MALRD1: variants seen among roughly 807,000 people sequenced by gnomAD.
The protein encoded by MALRD1 is MAM and LDL-receptor class A domain-containing protein 1.
In MALRD1, 247 loss-of-function variants were observed where a neutral mutation model predicts 242.1. The observed-to-expected ratio is 1.02, with a 90% CI of 0.92 to 1.13. The LOEUF (loss-of-function observed/expected upper bound fraction) is 1.13. Among genes scored for constraint, MALRD1 ranks in the 50% most tolerant of loss-of-function variants. The probability of loss-of-function intolerance (pLI) is 0.00; values close to 1 mark genes in which losing one functional copy is unlikely to be tolerated. For synonymous variants in MALRD1, 995 were observed against 866.6 expected (o/e 1.15, Z -2.60); for missense variants, 2,989 against 2,533.1 (o/e 1.18, Z -3.86).
At chr10:19,704,804 T>C (rs1407551644) in intron 38 of MALRD1, among the ~76,000 whole-genome samples, 1 of 152,030 alleles carries the variant, frequency 6.6e-6, no homozygotes, top group African/African-American at 2.4e-5. Flanking sequence ...GGTGGTAAAA[T>C]GGAAGGAAAG....
At position 19,692,804 on chromosome 10, in the gene MALRD1, TA is replaced by T; in HGVS notation, c.6314+251del. Among the ~76,000 whole-genome samples the T allele has an allele frequency of 2.0e-5, 3 of 146,408 alleles. No homozygotes were observed. The East Asian group carries it at 5.9e-4, about 29-fold the overall frequency. On this transcript the variant is annotated intron_variant, in intron 38 of 39. Transcript: ENST00000454679. ...AGGAGCCTTTTTGAGGGCGTATATA[TA>T]TATATATGAAATTTATATATATATG...
chr10:19,261,019 G>T (rs893763617), intron 19 of MALRD1, among the ~76,000 whole-genome samples: 1 of 152,166 alleles, frequency 6.6e-6, no homozygotes, highest in African/African-American at 2.4e-5. Context: ...AGTGGCCAGG[G>T]CTTTCCCCAC....
chr10:19,699,810 G>A (rs978591944), intron 38 of MALRD1, among the ~76,000 whole-genome samples: 1 of 151,776 alleles, frequency 6.6e-6, no homozygotes, highest in African/African-American at 2.4e-5. Flanking sequence ...GACCAGATCT[G>A]GTGAGACCTC....
At chr10:19,513,748 G>GA (rs35386619) in intron 31 of MALRD1, among the ~76,000 whole-genome samples, 67,407 of 149,350 alleles carry the variant, frequency 0.45, 15,977 homozygotes, top group Non-Finnish European at 0.54. Context: ...CAAAAGAAAA[G>GA]AAAAAAAAAA....
At chr10:19,694,722 G>T (rs183704914) in intron 38 of MALRD1, among the ~76,000 whole-genome samples, 1 of 152,294 alleles carries the variant, frequency 6.6e-6, no homozygotes, top group Admixed American at 6.5e-5. Flanking sequence ...CCATTACTGG[G>T]TATATACCCA....
intron 14 of MALRD1, among the ~76,000 whole-genome samples, chr10:19,192,314 T>A (rs539704946): frequency 6.6e-6 from 1 of 152,336 alleles, no homozygotes; most frequent in Non-Finnish European, 1.5e-5. Context: ...GTTGTGCACT[T>A]AAAATGGTTT....
chr10:19,047,807 A>C (rs1490006357), upstream of MALRD1, among the ~76,000 whole-genome samples: 2 of 152,140 alleles, frequency 1.3e-5, no homozygotes, highest in East Asian at 3.9e-4. Context: ...AATTCTTAGA[A>C]CATTTAAAAA....
intron 38 of MALRD1, among the ~76,000 whole-genome samples, chr10:19,726,885 A>T (rs1384757006): frequency 6.6e-6 from 1 of 152,188 alleles, no homozygotes; most frequent in Non-Finnish European, 1.5e-5. Context: ...TAGGTGAGGT[A>T]CCTCGAGTCT....
chr10:19,372,855 T>A (rs1845438714), intron 26 of MALRD1, among the ~76,000 whole-genome samples: 1 of 152,178 alleles, frequency 6.6e-6, no homozygotes, highest in African/African-American at 2.4e-5. Flanking sequence ...AGAGCTTATG[T>A]ATAACAAATA....
chr10:19,067,638 A>G (rs891397608), intron 2 of MALRD1, among the ~76,000 whole-genome samples: 1 of 152,148 alleles, frequency 6.6e-6, no homozygotes, highest in African/African-American at 2.4e-5. Context: ...AATATTACAC[A>G]TGCAGATTAG....
Position 19,136,800 on chromosome 10 carries a change from T to G in MALRD1, c.1411+19T>G, listed in dbSNP as rs1177891903. The G allele has an allele frequency of 3.0e-5, 37 of 1,222,182 alleles. No homozygotes were observed. Among genetic ancestry groups the G allele is most frequent in the Middle Eastern group, 3.1e-4 (1 of 3,216 alleles). 75.7% of individuals were successfully genotyped at this position (1,222,182 alleles called of 1,614,324 possible). A position where few individuals can be genotyped will look rare whatever the true frequency, so the allele number is the denominator to read the frequency against. ...ACTTGCTGTAAGTGAGTGAATGGCT[T>G]ACTAGTTTACATGCTCTAATTCAAG... is the stretch of plus-strand genomic sequence containing the variant. On this transcript the variant is annotated intron_variant, in intron 10 of 39. Transcript: ENST00000454679.
At chr10:19,297,679 GATATGAGAA>G (rs2131945097) in intron 21 of MALRD1, among the ~76,000 whole-genome samples, 1 of 151,796 alleles carries the variant, frequency 6.6e-6, no homozygotes, top group South Asian at 2.1e-4. Flanking sequence ...TTGCATACAA[GATATGAGAA>G]ATATTTTATG....
rs868300490 is a variant in MALRD1 at position 19,701,739 on chromosome 10, C to G, written c.6314+9185C>G. ...CCCTCCCCCTCCCTTTCCCCTTCCCCTCCCCTCCCTTCCTCTCCCTTCCCC... is the reference window on the plus strand; with the variant it reads ...CCCTCCCCCTCCCTTTCCCCTTCCCGTCCCCTCCCTTCCTCTCCCTTCCCC... On this transcript the variant is annotated intron_variant, in intron 38 of 39. Coordinates refer to ENST00000454679, the MANE Select transcript of MALRD1 (RefSeq NM_001142308.3). Among the ~76,000 whole-genome samples the G allele has an allele frequency of 5.3e-3, 680 of 127,680 alleles. 8 individuals are homozygous for G. The highest frequency in any genetic ancestry group is 0.019 in the African/African-American group (649 of 34,464). 83.8% of individuals were successfully genotyped at this position (127,680 alleles called of 152,430 possible).
chr10:19,400,938 C>T (rs1418942407), intron 28 of MALRD1, among the ~76,000 whole-genome samples: 1 of 152,062 alleles, frequency 6.6e-6, no homozygotes, highest in African/African-American at 2.4e-5. Context: ...ATCGCTTGAA[C>T]CCAAAAGGTG....
intron 8 of MALRD1, among the ~76,000 whole-genome samples, 193 bp downstream of exon 8, chr10:19,128,580 A>T (rs1837354372): frequency 6.6e-6 from 1 of 152,186 alleles, no homozygotes; most frequent in South Asian, 2.1e-4. Context: ...TTAATGTGAT[A>T]ACTTGCCCAA....
intron 38 of MALRD1, among the ~76,000 whole-genome samples, chr10:19,719,189 TAC>T (rs1163960564): frequency 1.6e-4 from 6 of 36,686 alleles, no homozygotes; most frequent in Admixed American, 3.5e-4. Flanking sequence ...TATATATATA[TAC>T]ATACATATAT....
intron 7 of MALRD1, 54 bp downstream of exon 7, chr10:19,124,724 G>A: frequency 8.2e-6 from 10 of 1,222,850 alleles, no homozygotes; most frequent in Non-Finnish European, 1.0e-5. Flanking sequence ...CTGCTTTATG[G>A]TGACTAGTTA....
intron 38 of MALRD1, among the ~76,000 whole-genome samples, chr10:19,718,226 ACAG>A (rs34342587): frequency 2.0e-5 from 3 of 148,532 alleles, no homozygotes; most frequent in East Asian, 2.0e-4. Context: ...AGAAGAAGCA[ACAG>A]CAGCAGCAGC....
At chr10:19,307,919 G>A (rs990075496) in intron 21 of MALRD1, among the ~76,000 whole-genome samples, 5 of 151,414 alleles carry the variant, frequency 3.3e-5, no homozygotes, top group African/African-American at 9.7e-5. Context: ...CATAGTAGGT[G>A]TATATATTTA....
Sources: gnomAD v4.1 joint callset for allele counts (sites outside exome capture counted in the v4.1 genomes callset) on GRCh38, gnomAD v4.1.1 for gene constraint, MANE v1.5 for transcripts, NCBI Gene and HGNC (gene_info 2026-07-23, HGNC 2026-07-21) for gene names.